Variants in ASTN2 observed in about 807,000 individuals in gnomAD.
ASTN2 encodes astrotactin 2.
A neutral mutation model predicts 139.8 loss-of-function variants in ASTN2; 54 were observed. The observed-to-expected ratio is 0.39, with a 90% CI of 0.31 to 0.48. The LOEUF (loss-of-function observed/expected upper bound fraction) is 0.48. Ranked by LOEUF, ASTN2 falls within the 20% of genes least tolerant of loss-of-function variation. The pLI is 0.95. For missense variants in ASTN2, 1,565 were observed against 1,725.1 expected, an observed-to-expected ratio of 0.91 and a Z score of 1.64; for synonymous variants, 756 against 719.5, an observed-to-expected ratio of 1.05 and a Z score of -0.81.
chr9:117,375,030 C>A (rs745466495), intron 1 of ASTN2, among the ~76,000 whole-genome samples: 1 of 152,178 alleles, frequency 6.6e-6, no homozygotes, highest in East Asian at 1.9e-4. Context: ...AATCCCAAAT[C>A]CTTACCTAGA....
intron 20 of ASTN2, among the ~76,000 whole-genome samples, chr9:116,483,055 CT>C (rs1162094052): frequency 6.6e-6 from 1 of 152,192 alleles, no homozygotes; most frequent in Non-Finnish European, 1.5e-5. Context: ...GTGTCTGGGC[CT>C]TTGGCCAGGC....
intron 19 of ASTN2, among the ~76,000 whole-genome samples, chr9:116,566,757 T>C (rs1405416923): frequency 6.6e-6 from 1 of 152,200 alleles, no homozygotes; most frequent in Non-Finnish European, 1.5e-5. Context: ...GCAGGGATAC[T>C]AAGGCAAGCC....
intron 2 of ASTN2, among the ~76,000 whole-genome samples, chr9:117,266,551 A>C (rs1420571158): frequency 1.3e-5 from 2 of 152,204 alleles, no homozygotes; most frequent in African/African-American, 4.8e-5. Flanking sequence ...CCATCTCAGA[A>C]AAAGACCAGC....
At position 117,208,256 on chromosome 9, in the gene ASTN2, A is replaced by G. The variant is rs1238169583; in HGVS notation, c.1015+6102T>C. 5.9e-5 allele frequency among the ~76,000 whole-genome samples: 9 copies of G among 152,306 alleles called. No individual in the cohort carries two copies. In the East Asian group the frequency reaches 1.4e-3, roughly 23 times the overall value. ...GAAGAAAGATAGTCAATTTAACTAT[A>G]TCAAGAAAATGATTCATGATTTACA... is the stretch of plus-strand genomic sequence containing the variant. On this transcript the variant is annotated intron_variant, in intron 3 of 22. Transcript: ENST00000313400.
intron 19 of ASTN2, among the ~76,000 whole-genome samples, chr9:116,499,338 C>G (rs770664836): frequency 6.6e-6 from 1 of 152,048 alleles, no homozygotes; most frequent in Non-Finnish European, 1.5e-5. Context: ...GGGATGATGC[C>G]GGAGAGGTAC....
At chr9:116,666,044 G>A (rs1858844223) in intron 16 of ASTN2, among the ~76,000 whole-genome samples, 1 of 152,100 alleles carries the variant, frequency 6.6e-6, no homozygotes, top group African/African-American at 2.4e-5. Context: ...AATAATGACA[G>A]AATCACAAAA....
chr9:116,463,593 C>A (rs903027343), intron 20 of ASTN2, among the ~76,000 whole-genome samples: 1 of 152,194 alleles, frequency 6.6e-6, no homozygotes, highest in Non-Finnish European at 1.5e-5. Context: ...TCCATTCCTT[C>A]ACATGTCCCT....
chr9:116,821,510 A>G (rs1047111546), intron 11 of ASTN2, among the ~76,000 whole-genome samples: 6 of 152,272 alleles, frequency 3.9e-5, no homozygotes, highest in Non-Finnish European at 4.4e-5. Context: ...CATCACCATG[A>G]AAAGGGCTCC....
intron 5 of ASTN2, among the ~76,000 whole-genome samples, chr9:117,081,792 G>A (rs62562212): frequency 0.16 from 23,747 of 152,098 alleles, 2,152 homozygotes; most frequent in African/African-American, 0.23. Flanking sequence ...CTTCAGAGCG[G>A]CCTCTAAAAT....
chr9:116,697,740 G>A, intron 16 of ASTN2: 1 of 1,613,916 alleles, frequency 6.2e-7, no homozygotes, highest in Non-Finnish European at 8.5e-7. Context: ...CAAAGGAAGA[G>A]CAATGGCTGC....
At chr9:117,009,814 T>A (rs1382446142) in intron 6 of ASTN2, among the ~76,000 whole-genome samples, 1 of 152,170 alleles carries the variant, frequency 6.6e-6, no homozygotes, top group African/African-American at 2.4e-5. Context: ...CTGGCTGACC[T>A]ATGGTTGGAC....
chr9:117,233,890 C>T (rs546734527), intron 2 of ASTN2, among the ~76,000 whole-genome samples: 3 of 152,218 alleles, frequency 2.0e-5, no homozygotes, highest in Admixed American at 1.3e-4. Context: ...TCTTGTCTCT[C>T]ATAAAAAATA....
chr9:117,139,369 T>C (rs987839515), intron 4 of ASTN2, among the ~76,000 whole-genome samples: 1 of 152,212 alleles, frequency 6.6e-6, no homozygotes, highest in African/African-American at 2.4e-5. Flanking sequence ...GGAGAACCAA[T>C]GATACTTCCA....
chr9:117,363,989 C>A (rs1026071644), intron 1 of ASTN2, among the ~76,000 whole-genome samples: 2 of 152,134 alleles, frequency 1.3e-5, no homozygotes, highest in Non-Finnish European at 2.9e-5. Context: ...GGATTAAATC[C>A]ATTAGTAGCA....
intron 11 of ASTN2, 101 bp downstream of exon 11, chr9:116,863,482 A>G (rs1325410283): frequency 2.7e-6 from 4 of 1,476,774 alleles, no homozygotes; most frequent in Non-Finnish European, 3.7e-6. Context: ...GGTAGTGTGG[A>G]TATGATCCTC....
chr9:117,089,708 T>G (rs1303366420), intron 5 of ASTN2, among the ~76,000 whole-genome samples: 2 of 137,624 alleles, frequency 1.5e-5, no homozygotes, highest in Non-Finnish European at 3.1e-5. Context: ...GTCCCCAAAG[T>G]CCATTGTATT....
At chr9:116,859,962 A>T (rs1478231532) in intron 11 of ASTN2, among the ~76,000 whole-genome samples, 2 of 152,238 alleles carry the variant, frequency 1.3e-5, no homozygotes, top group Non-Finnish European at 2.9e-5. Context: ...TAGCTGACGC[A>T]CAGAGCCAGC....
chr9:117,404,861 AG>A (rs769351126), intron 1 of ASTN2, among the ~76,000 whole-genome samples: 72 of 152,276 alleles, frequency 4.7e-4, no homozygotes, highest in Non-Finnish European at 9.7e-4. Context: ...GGGAAAAAAA[AG>A]AAGGAAAGGG....
At chr9:117,252,372 T>G (rs978830105) in intron 2 of ASTN2, among the ~76,000 whole-genome samples, 17 of 152,242 alleles carry the variant, frequency 1.1e-4, no homozygotes, top group Non-Finnish European at 2.4e-4. Context: ...AGTAACTAAT[T>G]TGATTGCATC....
Sources: allele counts gnomAD v4.1 joint callset (sites outside exome capture counted in the v4.1 genomes callset), GRCh38; gene constraint gnomAD v4.1.1; transcripts MANE v1.5; gene names NCBI Gene and HGNC (gene_info 2026-07-23, HGNC 2026-07-21).